WAPL: variants seen among roughly 807,000 people sequenced by gnomAD.
WAPL encodes WAPL cohesin release factor, also known as wings apart-like protein homolog.
In WAPL, 5 loss-of-function variants were observed where a neutral mutation model predicts 121.0. The ratio of observed to expected loss-of-function variants is 0.04; its 90% CI spans 0.02 to 0.09. The LOEUF (loss-of-function observed/expected upper bound fraction) is 0.09. Ranked by LOEUF, WAPL falls within the 10% of genes least tolerant of loss-of-function variation. WAPL has a pLI of 1.00. For synonymous variants in WAPL, 480 were observed against 481.5 expected (o/e 1.00, Z 0.04); for missense variants, 999 against 1,410.8 (o/e 0.71, Z 4.68).
intron 17 of WAPL, 46 bp downstream of exon 17, chr10:86,443,229 G>T (rs2132164782): frequency 6.8e-7 from 1 of 1,460,644 alleles, no homozygotes; most frequent in Non-Finnish European, 9.6e-7. Context: ...TCGTTACATT[G>T]GAATCTTTCA....
At chr10:86,497,444 C>T in intron 3 of WAPL, 125 bp from the exon 4 acceptor site, 1 of 734,890 alleles carries the variant, frequency 1.4e-6, no homozygotes, top group South Asian at 1.7e-5. Context: ...AATCACAGCA[C>T]CACAGAGCTG....
intron 15 of WAPL, among the ~76,000 whole-genome samples, chr10:86,451,603 G>A (rs1467326653): frequency 6.6e-6 from 1 of 152,074 alleles, no homozygotes; most frequent in Non-Finnish European, 1.5e-5. Context: ...ATATTGGTCA[G>A]GCTGGTCTTG....
At chr10:86,471,223 C>A in intron 7 of WAPL, 120 bp from the exon 8 acceptor site, 1 of 639,954 alleles carries the variant, frequency 1.6e-6, no homozygotes, top group African/African-American at 1.8e-5. Flanking sequence ...ATTGCCCATA[C>A]ATGATCACAA....
Position 86,437,426 on chromosome 10 carries a change from C to G in WAPL, c.*117G>C, listed in dbSNP as rs1849350962. 2.8e-6 allele frequency: 3 copies of G among 1,076,532 alleles called. No individual in the cohort carries two copies. Among genetic ancestry groups the G allele is most frequent in the Non-Finnish European group, 3.9e-6 (3 of 770,374 alleles). 66.7% of individuals were successfully genotyped at this position (1,076,532 alleles called of 1,614,324 possible). A position where few individuals can be genotyped will look rare whatever the true frequency, so the allele number is the denominator to read the frequency against. On this transcript the variant is annotated 3_prime_UTR_variant, in exon 19 of 19. Transcript: ENST00000298767. The stretch of plus-strand genomic sequence containing the variant: ...TCAGGTGGCCTTAAAAATCCAAACA[C>G]GAATGATACTGATGAATGTTCTTGG...
At position 86,453,274 on chromosome 10, in the gene WAPL, C is replaced by G; in HGVS notation, c.2895G>C (p.Val965=). The G allele has an allele frequency of 6.2e-7, 1 of 1,614,106 alleles. No individual in the cohort carries two copies. The highest frequency in any genetic ancestry group is 1.1e-5 in the South Asian group (1 of 91,084). The change falls in exon 14 of 19, where the codon GTG becomes GTC. Residue 965 remains valine, a synonymous_variant. Transcript: ENST00000298767. ...DGLIGTALNC[V]LQVPKYLPQE... ...GAGGTAGGTACTTTGGAACCTGAAG[C>G]ACACAGTTCAGCGCTGTGCCTATGA...
chr10:86,462,394 TAGA>T (rs142355869), intron 9 of WAPL, among the ~76,000 whole-genome samples: 2,036 of 152,244 alleles, frequency 0.013, 54 homozygotes, highest in African/African-American at 0.047. Flanking sequence ...AGAAAAGATC[TAGA>T]AGATTTTAAT....
intron 4 of WAPL, among the ~76,000 whole-genome samples, chr10:86,486,027 T>G (rs1368114895): frequency 6.6e-6 from 1 of 152,216 alleles, no homozygotes; most frequent in Non-Finnish European, 1.5e-5. Flanking sequence ...CAGCAGCTAT[T>G]AACTTCCACA....
Position 86,488,714 on chromosome 10 carries a change from T to C in WAPL, c.1644+8487A>G, listed in dbSNP as rs539296587. 2.0e-5 allele frequency among the ~76,000 whole-genome samples: 3 copies of C among 152,328 alleles called. No homozygotes were observed. In the East Asian group the frequency reaches 5.8e-4, roughly 29 times the overall value. On this transcript the variant is annotated intron_variant, in intron 4 of 18. Coordinates refer to ENST00000298767, the MANE Select transcript of WAPL (RefSeq NM_015045.5). ...ATAAAGTAGAAATCCATGTTCATAC[T>C]GTAATAACTAAATGAATACATATAA...
rs370616767 is a variant in WAPL, at chr10:86,499,759, T to C, written c.1484A>G (p.Asn495Ser). ...AGACTGACTGTCCTGGGAATTATCA[T>C]TGCTTTCTGGGGGAGGCTGCAAGGA... ...SPSLQPPPES[N>S]DNSQDSQSGT... is the part of the protein sequence containing the mutation. Residue 495 changes from asparagine (N) to serine (S), a missense_variant, in exon 3 of 19, where the codon AAT becomes AGT. Coordinates refer to ENST00000298767, the MANE Select transcript of WAPL (RefSeq NM_015045.5). 15 of 1,598,282 alleles carry C rather than the reference T, an allele frequency of 9.4e-6. No individual in the cohort carries two copies. The highest frequency in any genetic ancestry group is 1.2e-5 in the Non-Finnish European group (14 of 1,175,500).
chr10:86,500,716 T>C lies in WAPL; in HGVS notation c.527A>G (p.His176Arg), dbSNP rs1842232301. 1 of 1,569,888 alleles carries C rather than the reference T, an allele frequency of 6.4e-7. No homozygotes were observed. The highest frequency in any genetic ancestry group is 2.1e-5 in the Admixed American group (1 of 48,298). Residue 176 changes from histidine (H) to arginine (R), a missense_variant, in exon 3 of 19, where the codon CAT (histidine) becomes CGT (arginine). His to Arg is a conservative substitution (Grantham distance 29). Transcript: ENST00000298767. ...SDKVENFHEE[H>R]EKNSHHIHKN... Reference sequence around the variant, plus strand: ...GTGAATATGGTGACTATTCTTTTCATGTTCTTCATGAAAATTCTCCACTTT... The same window carrying C: ...GTGAATATGGTGACTATTCTTTTCACGTTCTTCATGAAAATTCTCCACTTT...
At chr10:86,444,912 A>AAG (rs60331872) in intron 16 of WAPL, among the ~76,000 whole-genome samples, 7 of 149,284 alleles carry the variant, frequency 4.7e-5, no homozygotes, top group Non-Finnish European at 8.9e-5. Flanking sequence ...AAAAAAAAAA[A>AAG]GAAATGCATC....
At chr10:86,495,414 C>G (rs1271160262) in intron 4 of WAPL, among the ~76,000 whole-genome samples, 1 of 151,992 alleles carries the variant, frequency 6.6e-6, no homozygotes, top group African/African-American at 2.4e-5. Flanking sequence ...CTGCACTGAG[C>G]TGGGATCACA....
chr10:86,435,775 C>T lies in WAPL; in HGVS notation c.*1768G>A, dbSNP rs528871647. On this transcript the variant is annotated 3_prime_UTR_variant, in exon 19 of 19. Coordinates refer to ENST00000298767, the MANE Select transcript of WAPL (RefSeq NM_015045.5). ...TCTCATCCAAATGTTTTATAATATTCCTTACCATCTGCCACAAGTCAGGTT... is the reference window on the plus strand; with the variant it reads ...TCTCATCCAAATGTTTTATAATATTTCTTACCATCTGCCACAAGTCAGGTT... 3.9e-5 allele frequency: 6 copies of T among 152,486 alleles called. No homozygotes were observed. The allele number at this position is 152,486 out of a possible 1,614,324, so 9.4% of individuals were successfully genotyped here. A position where few individuals can be genotyped will look rare whatever the true frequency, so the allele number is the denominator to read the frequency against.
In WAPL at chr10:86,487,583, G is replaced by A. The variant is rs774245731; in HGVS notation, c.1644+9618C>T. ...CACTAAAGGAAATTCTCACAGACAC[G>A]TATGCTTAAGAGTTCATGCTTTCTG... On this transcript the variant is annotated intron_variant, in intron 4 of 18. Transcript: ENST00000298767. Among the ~76,000 whole-genome samples the A allele has an allele frequency of 5.9e-5, 9 of 152,096 alleles. 1 individual carries two copies. Among genetic ancestry groups the A allele is most frequent in the South Asian group, 4.1e-4 (2 of 4,830 alleles).
intron 17 of WAPL, among the ~76,000 whole-genome samples, chr10:86,442,647 T>C (rs190457549): frequency 0.01 from 1,594 of 152,274 alleles, 7 homozygotes; most frequent in Non-Finnish European, 0.017. Context: ...AAAACCTATA[T>C]TGGAAAGGAT....
At chr10:86,451,673 G>A (rs532879284) in intron 15 of WAPL, among the ~76,000 whole-genome samples, 4 of 152,172 alleles carry the variant, frequency 2.6e-5, no homozygotes, top group Non-Finnish European at 5.9e-5. Flanking sequence ...GATTATAGGC[G>A]TGAGTCACTG....
At chr10:86,465,008 T>A (rs1214271911) in intron 9 of WAPL, among the ~76,000 whole-genome samples, 2 of 152,174 alleles carry the variant, frequency 1.3e-5, no homozygotes, top group African/African-American at 4.8e-5. Flanking sequence ...AAAGTTAAAT[T>A]GCTCTCCCAT....
chr10:86,460,693 C>T (rs192165983), intron 10 of WAPL, among the ~76,000 whole-genome samples, 197 bp from the exon 11 acceptor site: 1 of 151,916 alleles, frequency 6.6e-6, no homozygotes, highest in East Asian at 1.9e-4. Context: ...CATAATCCCC[C>T]AATATCAAAA....
chr10:86,512,950 C>T (rs1006415152), intron 2 of WAPL, among the ~76,000 whole-genome samples: 5 of 152,124 alleles, frequency 3.3e-5, no homozygotes, highest in Non-Finnish European at 4.4e-5. Context: ...ACAACCCTTC[C>T]CTGCAGTACC....
Sources: allele counts gnomAD v4.1 joint callset (sites outside exome capture counted in the v4.1 genomes callset), GRCh38; gene constraint gnomAD v4.1.1; transcripts MANE v1.5; gene names NCBI Gene and HGNC (gene_info 2026-07-23, HGNC 2026-07-21).